FGF14: variants seen among roughly 807,000 people sequenced by gnomAD.
FGF14 encodes the protein fibroblast growth factor homologous factor 4.
Under a neutral mutation model 25.5 loss-of-function variants are expected in FGF14, and 5 were observed. The observed-to-expected ratio is 0.20, with a 90% CI of 0.10 to 0.41. The LOEUF (loss-of-function observed/expected upper bound fraction) is 0.41, where lower values mean the gene tolerates loss of function less well. Among genes scored for constraint, FGF14 ranks in the 10% least tolerant of loss-of-function variants. The pLI, the probability that FGF14 is intolerant of heterozygous loss-of-function variation, is 1.00. For missense variants in FGF14, 222 were observed against 320.1 expected (o/e 0.69, Z 2.34); for synonymous variants, 138 against 118.3 (o/e 1.17, Z -1.08).
chr13:102,010,673 T>C (rs1222601891), intron 1 of FGF14, among the ~76,000 whole-genome samples: 1 of 152,144 alleles, frequency 6.6e-6, no homozygotes, highest in African/African-American at 2.4e-5. Context: ...CCGGCTACAA[T>C]ACTGGGATAT....
chr13:101,745,903 A>G (rs2036858271), intron 3 of FGF14, among the ~76,000 whole-genome samples: 1 of 152,056 alleles, frequency 6.6e-6, no homozygotes, highest in Admixed American at 6.6e-5. Flanking sequence ...AGTGCTCGCA[A>G]GATTGTAGAT....
Position 101,714,532 on chromosome 13 carries a change from T to C in FGF14, c.*8299A>G. ...GTGATGACAGAGACTGCGACAAACA[T>C]GATGGTCTCATTTGTACAGGTGCAG... On this transcript the variant is annotated 3_prime_UTR_variant, in exon 5 of 5. Coordinates refer to ENST00000376143, the MANE Select transcript of FGF14 (RefSeq NM_004115.4). The C allele has an allele frequency of 6.2e-7, 1 of 1,602,596 alleles. No individual in the cohort carries two copies. Among genetic ancestry groups the C allele is most frequent in the South Asian group, 1.1e-5 (1 of 90,794 alleles).
intron 1 of FGF14, among the ~76,000 whole-genome samples, chr13:102,220,511 T>A (rs1331566354): frequency 6.6e-6 from 1 of 152,202 alleles, no homozygotes; most frequent in Non-Finnish European, 1.5e-5. Flanking sequence ...TTTTACTTAT[T>A]GTACTCGCCA....
chr13:102,330,805 C>T (rs1459143470), intron 1 of FGF14, among the ~76,000 whole-genome samples: 1 of 152,162 alleles, frequency 6.6e-6, no homozygotes, highest in Admixed American at 6.6e-5. Context: ...ACGTTCCATG[C>T]ATGTATTTAT....
chr13:102,282,333 T>C (rs1283973945), intron 1 of FGF14, among the ~76,000 whole-genome samples: 1 of 152,178 alleles, frequency 6.6e-6, no homozygotes. Flanking sequence ...CCCAAAGTGC[T>C]GGGAGCCACC....
intron 1 of FGF14, among the ~76,000 whole-genome samples, chr13:102,194,944 G>C (rs1036264293): frequency 5.3e-5 from 8 of 151,984 alleles, no homozygotes; most frequent in African/African-American, 1.9e-4. Flanking sequence ...GTTTCCAGAA[G>C]GCAACGGGAT....
At chr13:102,239,930 G>C (rs1282520089) in intron 1 of FGF14, among the ~76,000 whole-genome samples, 1 of 152,132 alleles carries the variant, frequency 6.6e-6, no homozygotes, top group Non-Finnish European at 1.5e-5. Context: ...TTAGGATCAA[G>C]AAATCTAGAA....
intron 1 of FGF14, among the ~76,000 whole-genome samples, chr13:102,050,774 A>G (rs1473038400): frequency 6.6e-6 from 1 of 152,182 alleles, no homozygotes; most frequent in East Asian, 1.9e-4. Context: ...AATACAGTAG[A>G]GAGAAAAAAA....
chr13:102,034,007 G>T (rs1200032553), intron 1 of FGF14, among the ~76,000 whole-genome samples: 1 of 152,018 alleles, frequency 6.6e-6, no homozygotes, highest in Non-Finnish European at 1.5e-5. Context: ...GCACAGCAGA[G>T]GAAAATGCAA....
chr13:101,922,587 C>T (rs1224587474), intron 1 of FGF14, among the ~76,000 whole-genome samples: 1 of 151,984 alleles, frequency 6.6e-6, no homozygotes, highest in Non-Finnish European at 1.5e-5. Context: ...TCATGTAATC[C>T]ATTATAGAAT....
At chr13:102,010,693 C>T (rs918919178) in intron 1 of FGF14, among the ~76,000 whole-genome samples, 5 of 152,080 alleles carry the variant, frequency 3.3e-5, no homozygotes, top group African/African-American at 1.2e-4. Context: ...TGTTAACTTC[C>T]CTTGATTTCA....
rs996300672 is a variant in FGF14 at position 101,873,591 on chromosome 13, A to G, written c.304+1595T>C. ...TGAATCGCTAAACTTTGTGACCTAC[A>G]CAACAGTAACACGTAAGAGAAAGGA... On this transcript the variant is annotated intron_variant, in intron 2 of 4. Coordinates refer to ENST00000376143, the MANE Select transcript of FGF14 (RefSeq NM_004115.4). Among the ~76,000 whole-genome samples, 3 of 152,122 alleles carry G rather than the reference A, an allele frequency of 2.0e-5. 1 individual carries two copies. Among genetic ancestry groups the G allele is most frequent in the Non-Finnish European group, 1.5e-5 (1 of 67,968 alleles).
At chr13:102,401,345 C>T in intron 1 of FGF14, 1 of 877,186 alleles carries the variant, frequency 1.1e-6, no homozygotes, top group Non-Finnish European at 1.9e-6. Context: ...CCTCTATATG[C>T]AACACTGTCC....
Position 101,922,045 on chromosome 13 carries a change from C to T in FGF14, c.209-46749G>A, listed in dbSNP as rs568810861. On this transcript the variant is annotated intron_variant, in intron 1 of 4. Transcript: ENST00000376131. The stretch of plus-strand genomic sequence containing the variant: ...GTACAGACTTTGTCTCCTTTGTTTA[C>T]TGCCACATATCCAGTGTTTAAAATG... Among the ~76,000 whole-genome samples the T allele has an allele frequency of 1.1e-4, 16 of 152,284 alleles. No homozygotes were observed. In the South Asian group the frequency reaches 3.3e-3, roughly 32 times the overall value.
intron 1 of FGF14, among the ~76,000 whole-genome samples, chr13:102,341,643 T>A (rs2056955520): frequency 6.6e-6 from 1 of 152,170 alleles, no homozygotes; most frequent in African/African-American, 2.4e-5. Flanking sequence ...CCTTTCAAGG[T>A]TTCCAAGACA....
chr13:101,882,889 T>C (rs1017248375), intron 1 of FGF14, among the ~76,000 whole-genome samples: 9 of 152,152 alleles, frequency 5.9e-5, no homozygotes, highest in Admixed American at 3.3e-4. Context: ...TCCAGACATT[T>C]GTCTTCTAGC....
chr13:101,909,853 C>T (rs1177343253), intron 1 of FGF14, among the ~76,000 whole-genome samples: 1 of 152,050 alleles, frequency 6.6e-6, no homozygotes, highest in Non-Finnish European at 1.5e-5. Flanking sequence ...AAATGTCCAA[C>T]AATGATAGAC....
At chr13:101,740,243 G>C (rs140745200) in intron 3 of FGF14, among the ~76,000 whole-genome samples, 1 of 152,094 alleles carries the variant, frequency 6.6e-6, no homozygotes, top group African/African-American at 2.4e-5. Context: ...TTTTGTCTGC[G>C]GCTCATTCTG....
intron 3 of FGF14, among the ~76,000 whole-genome samples, chr13:101,763,715 C>T (rs1353609029): frequency 6.6e-6 from 1 of 152,072 alleles, no homozygotes; most frequent in South Asian, 2.1e-4. Context: ...CAAAAACTAG[C>T]CAGGTGTGGT....
Sources: gnomAD v4.1 joint callset for allele counts (sites outside exome capture counted in the v4.1 genomes callset) on GRCh38, gnomAD v4.1.1 for gene constraint, MANE v1.5 for transcripts, NCBI Gene and HGNC (gene_info 2026-07-23, HGNC 2026-07-21) for gene names.